TAFA2: variants seen among roughly 807,000 people sequenced by gnomAD.
The protein encoded by TAFA2 is TAFA chemokine like family member 2.
Under a neutral mutation model 18.8 loss-of-function variants are expected in TAFA2, and 7 were observed. The observed-to-expected ratio is 0.37, with a 90% CI of 0.21 to 0.70. The LOEUF is 0.70. TAFA2 is among the 30% of genes least tolerant of loss of function. TAFA2 has a pLI of 0.53. For synonymous variants in TAFA2, 60 were observed against 54.2 expected (o/e 1.11, Z -0.47); for missense variants, 122 against 158.1 (o/e 0.77, Z 1.23).
chr12:61,849,387 A>C (rs967707671), intron 2 of TAFA2, among the ~76,000 whole-genome samples: 1 of 152,198 alleles, frequency 6.6e-6, no homozygotes, highest in Admixed American at 6.5e-5. Context: ...ATGAACTTAC[A>C]AACTATTTAT....
intron 2 of TAFA2, among the ~76,000 whole-genome samples, chr12:61,836,761 A>G (rs1406479583): frequency 1.4e-5 from 2 of 145,598 alleles, no homozygotes; most frequent in Non-Finnish European, 3.0e-5. Flanking sequence ...ATATATACAC[A>G]CACACACACA....
chr12:61,798,928 C>T (rs564683521), intron 2 of TAFA2, among the ~76,000 whole-genome samples: 2 of 152,278 alleles, frequency 1.3e-5, no homozygotes, highest in African/African-American at 4.8e-5. Context: ...AATTTTAATT[C>T]TCTATTTTTC....
At chr12:61,867,234 C>T in intron 2 of TAFA2, 86 bp downstream of exon 2, 1 of 840,232 alleles carries the variant, frequency 1.2e-6, no homozygotes, top group Non-Finnish European at 1.9e-6. Flanking sequence ...TAAAATTTAA[C>T]AGACCAGTGG....
chr12:61,800,846 T>C lies in TAFA2; in HGVS notation c.107-45822A>G, dbSNP rs561111553. Among the ~76,000 whole-genome samples the C allele has an allele frequency of 1.6e-4, 25 of 152,216 alleles. No homozygotes were observed. The South Asian group carries it at 4.8e-3, about 29-fold the overall frequency. ...GAGGACCTTTATGGAGAAAAGTCCT[T>C]TGCTGACCTTCAAGAGAATATTTAT... is the stretch of plus-strand genomic sequence containing the variant. On this transcript the variant is annotated intron_variant, in intron 2 of 4. Transcript: ENST00000416284.
In TAFA2 at chr12:61,754,950, G is replaced by T. The variant is rs373017782; in HGVS notation, c.181C>A (p.Arg61=). The change falls in exon 3 of 5, where the codon CGG becomes AGG. Residue 61 remains arginine, a synonymous_variant. Coordinates refer to ENST00000416284, the MANE Select transcript of TAFA2 (RefSeq NM_178539.5). ...CAGGAGCACTTGACTGTTTGTGACC[G>T]TTCTTCTATCTTGTTCTTATTACAG... is the stretch of plus-strand genomic sequence containing the variant. ...RCCNKNKIEE[R]SQTVKCSCFP... is the part of the protein sequence containing the mutation. The T allele has an allele frequency of 4.3e-5, 69 of 1,612,868 alleles. No individual in the cohort carries two copies. Among genetic ancestry groups the T allele is most frequent in the Non-Finnish European group, 5.6e-5 (66 of 1,179,410 alleles).
intron 2 of TAFA2, among the ~76,000 whole-genome samples, chr12:61,796,180 TAA>T (rs1871181449): frequency 6.6e-6 from 1 of 152,158 alleles, no homozygotes; most frequent in African/African-American, 2.4e-5. Context: ...ACAGACTAGT[TAA>T]TGTTTATACC....
At chr12:62,049,893 A>G (rs1882006244) in intron 1 of TAFA2, among the ~76,000 whole-genome samples, 1 of 152,246 alleles carries the variant, frequency 6.6e-6, no homozygotes, top group African/African-American at 2.4e-5. Context: ...GTGATACCAC[A>G]GGAAAGTGTT....
At chr12:61,876,099 T>A (rs919659663) in intron 1 of TAFA2, among the ~76,000 whole-genome samples, 2 of 152,192 alleles carry the variant, frequency 1.3e-5, no homozygotes, top group African/African-American at 4.8e-5. Context: ...ATTTTCTTTC[T>A]TTTTTAATAA....
At chr12:61,894,356 G>A (rs1875753374) in intron 1 of TAFA2, among the ~76,000 whole-genome samples, 1 of 152,182 alleles carries the variant, frequency 6.6e-6, no homozygotes, top group Non-Finnish European at 1.5e-5. Context: ...GTCAGTTGCT[G>A]TGGGAACCAA....
chr12:61,756,249 T>C (rs1356868910), intron 2 of TAFA2, among the ~76,000 whole-genome samples: 1 of 152,062 alleles, frequency 6.6e-6, no homozygotes, highest in African/African-American at 2.4e-5. Context: ...TGACATATAA[T>C]CCTCAATAGA....
intron 1 of TAFA2, among the ~76,000 whole-genome samples, chr12:62,213,459 A>T (rs865847099): frequency 6.6e-6 from 1 of 152,250 alleles, no homozygotes. Flanking sequence ...CCTGATCAAC[A>T]TGGTGAAACC....
At chr12:62,225,804 C>G (rs932328429) in intron 1 of TAFA2, among the ~76,000 whole-genome samples, 5 of 152,142 alleles carry the variant, frequency 3.3e-5, no homozygotes, top group Non-Finnish European at 5.9e-5. Context: ...TGACAAGGAT[C>G]AGAAAGTTTA....
At chr12:62,044,231 T>C (rs1009810345) in intron 1 of TAFA2, among the ~76,000 whole-genome samples, 4 of 152,108 alleles carry the variant, frequency 2.6e-5, no homozygotes, top group African/African-American at 9.7e-5. Flanking sequence ...ATTGTTTGAA[T>C]TGCCGAAAGC....
intron 4 of TAFA2, among the ~76,000 whole-genome samples, chr12:61,725,561 T>G (rs2120623157): frequency 6.6e-6 from 1 of 152,186 alleles, no homozygotes; most frequent in Non-Finnish European, 1.5e-5. Context: ...CACTTTATGC[T>G]TTTGTTTGCT....
At chr12:61,742,085 G>T (rs1868479698) in intron 4 of TAFA2, among the ~76,000 whole-genome samples, 1 of 152,066 alleles carries the variant, frequency 6.6e-6, no homozygotes, top group Non-Finnish European at 1.5e-5. Context: ...AGTAGAGATT[G>T]GGTTTCACCA....
chr12:61,727,687 C>A (rs1351418176), intron 4 of TAFA2, among the ~76,000 whole-genome samples: 2 of 151,824 alleles, frequency 1.3e-5, no homozygotes, highest in East Asian at 1.9e-4. Flanking sequence ...TTTCACTTAA[C>A]TTTTGTATGG....
intron 1 of TAFA2, among the ~76,000 whole-genome samples, chr12:62,188,215 T>G (rs1241055863): frequency 6.6e-6 from 1 of 152,166 alleles, no homozygotes; most frequent in Non-Finnish European, 1.5e-5. Flanking sequence ...GGATGATTAT[T>G]TTACCCCAAG....
chr12:62,131,537 C>T (rs1164019306), intron 1 of TAFA2, among the ~76,000 whole-genome samples: 2 of 152,030 alleles, frequency 1.3e-5, no homozygotes, highest in Non-Finnish European at 2.9e-5. Flanking sequence ...TCCAGATTGG[C>T]TTCCCAGGCC....
intron 1 of TAFA2, among the ~76,000 whole-genome samples, chr12:62,173,551 G>C (rs986840605): frequency 1.3e-5 from 2 of 152,196 alleles, no homozygotes; most frequent in Non-Finnish European, 2.9e-5. Flanking sequence ...CTAGGAAGCA[G>C]CACAAAAGAA....
Sources: allele counts gnomAD v4.1 joint callset (sites outside exome capture counted in the v4.1 genomes callset), GRCh38; gene constraint gnomAD v4.1.1; transcripts MANE v1.5; gene names NCBI Gene and HGNC (gene_info 2026-07-23, HGNC 2026-07-21).